DCDC2C: variants seen among roughly 807,000 people sequenced by gnomAD.
DCDC2C encodes doublecortin domain containing 2C.
In DCDC2C, 44 loss-of-function variants were observed where a neutral mutation model predicts 45.0. The ratio of observed to expected loss-of-function variants is 0.98; its 90% CI spans 0.77 to 1.26. DCDC2C has a LOEUF of 1.26. DCDC2C is among the 50% of genes most tolerant of loss of function. The pLI, the probability that DCDC2C is intolerant of heterozygous loss-of-function variation, is 0.00. For synonymous variants in DCDC2C, 187 were observed against 178.8 expected, an observed-to-expected ratio of 1.05 and a Z score of -0.37; for missense variants, 447 against 468.9, an observed-to-expected ratio of 0.95 and a Z score of 0.43.
In DCDC2C at chr2:3,818,959, G is replaced by T. The variant is rs1448568417; in HGVS notation, c.1066-28195G>T. Among the ~76,000 whole-genome samples the T allele has an allele frequency of 6.6e-6, 1 of 152,160 alleles. No individual in the cohort carries two copies. The highest frequency in any genetic ancestry group is 1.5e-5 in the Non-Finnish European group (1 of 68,044). ...TGTTTACGTTGGCACCAGAGTTGTG[G>T]AGTTTTAAGAGGTTTAGAAGCCTGG... On this transcript the variant is annotated intron_variant, in intron 10 of 10. Coordinates refer to ENST00000399143, the MANE Select transcript of DCDC2C (RefSeq NM_001287444.2). This position sits in a 1 kb window ranked among gnomAD's most constrained non-coding sequence, Gnocchi z 4.7.
At chr2:3,843,166 C>G (rs992162692) in intron 10 of DCDC2C, among the ~76,000 whole-genome samples, 1 of 152,140 alleles carries the variant, frequency 6.6e-6, no homozygotes, top group South Asian at 2.1e-4. Flanking sequence ...ATCGTATTCT[C>G]TCTTTCAGGT....
chr2:3,726,797 C>T (rs1031462084), intron 2 of DCDC2C, among the ~76,000 whole-genome samples: 1 of 152,164 alleles, frequency 6.6e-6, no homozygotes, highest in Non-Finnish European at 1.5e-5. Context: ...CAGACCCCCT[C>T]GCGCTGCACT....
chr2:3,805,198 C>T lies in DCDC2C; in HGVS notation c.1065+20098C>T, dbSNP rs149859504. Among the ~76,000 whole-genome samples, 9 of 152,300 alleles carry T rather than the reference C, an allele frequency of 5.9e-5. No homozygotes were observed. The East Asian group carries it at 1.7e-3, about 29-fold the overall frequency. On this transcript the variant is annotated intron_variant, in intron 10 of 10. Coordinates refer to ENST00000399143, the MANE Select transcript of DCDC2C (RefSeq NM_001287444.2). ...AAGTGGAAGTTGCAGACAGTTAATT[C>T]AGAAACTGCATGAAAGGTCCAAGTA...
chr2:3,841,511 T>C (rs150291612), intron 10 of DCDC2C, among the ~76,000 whole-genome samples: 2 of 146,276 alleles, frequency 1.4e-5, no homozygotes, highest in East Asian at 4.0e-4. Flanking sequence ...AGTGCTTATG[T>C]GTGGGACTAG....
At chr2:3,791,291 C>A (rs779474078) in intron 10 of DCDC2C, among the ~76,000 whole-genome samples, 63 of 152,260 alleles carry the variant, frequency 4.1e-4, no homozygotes, top group Admixed American at 1.8e-3. Flanking sequence ...AAGAGGCAGT[C>A]ATGGATGAAC....
intron 8 of DCDC2C, 87 bp downstream of exon 8, chr2:3,769,498 C>A: frequency 8.5e-7 from 1 of 1,174,020 alleles, no homozygotes; most frequent in Non-Finnish European, 1.2e-6. Flanking sequence ...CACCCTCTCC[C>A]TGCAAATTCT....
chr2:3,775,155 A>G (rs12987869), intron 8 of DCDC2C, among the ~76,000 whole-genome samples: 1,779 of 72,688 alleles, frequency 0.024, 44 homozygotes, highest in South Asian at 0.03. Flanking sequence ...TGTGGCTGTG[A>G]GCTAGGCAGC....
At chr2:3,707,005 G>C (rs1206246460) in intron 1 of DCDC2C, among the ~76,000 whole-genome samples, 1 of 152,208 alleles carries the variant, frequency 6.6e-6, no homozygotes, top group Non-Finnish European at 1.5e-5. Flanking sequence ...GGATTCTCAT[G>C]GGTGGTTTCT....
At chr2:3,779,078 A>G (rs1294956050) in intron 9 of DCDC2C, among the ~76,000 whole-genome samples, 194 bp downstream of exon 9, 1 of 152,004 alleles carries the variant, frequency 6.6e-6, no homozygotes, top group Admixed American at 6.6e-5. Flanking sequence ...AGTCAATTAC[A>G]TGAGTCATTT....
At chr2:3,775,023 C>G (rs1670291318) in intron 8 of DCDC2C, among the ~76,000 whole-genome samples, 1 of 152,030 alleles carries the variant, frequency 6.6e-6, no homozygotes, top group Non-Finnish European at 1.5e-5. Flanking sequence ...CCTCAGCCTC[C>G]CAAAGTGCTG....
At chr2:3,826,524 A>G (rs974688889) in intron 10 of DCDC2C, among the ~76,000 whole-genome samples, 1 of 152,096 alleles carries the variant, frequency 6.6e-6, no homozygotes, top group Non-Finnish European at 1.5e-5. Flanking sequence ...CAGATATTTT[A>G]TAAATGAGGA....
intron 10 of DCDC2C, among the ~76,000 whole-genome samples, chr2:3,837,525 C>G (rs1315895917): frequency 6.6e-6 from 1 of 152,014 alleles, no homozygotes; most frequent in Admixed American, 6.6e-5. Context: ...TAGGTTCTTT[C>G]TGGGGGTGGG....
chr2:3,730,644 C>T (rs187667192), intron 3 of DCDC2C, among the ~76,000 whole-genome samples: 31 of 152,222 alleles, frequency 2.0e-4, no homozygotes, highest in African/African-American at 7.0e-4. Context: ...AAGGAGATAA[C>T]GACTGGTCAG....
At chr2:3,766,310 G>A (rs1004694342) in intron 6 of DCDC2C, among the ~76,000 whole-genome samples, 7 of 146,066 alleles carry the variant, frequency 4.8e-5, no homozygotes, top group Non-Finnish European at 6.1e-5. Flanking sequence ...ACACACACAC[G>A]CACACACACA....
At chr2:3,822,548 AT>A (rs34454006) in intron 10 of DCDC2C, among the ~76,000 whole-genome samples, 32,562 of 149,126 alleles carry the variant, frequency 0.22, 3,986 homozygotes, top group African/African-American at 0.34. Context: ...AATTTTGCTG[AT>A]TTTTTTTTTT....
chr2:3,773,560 C>A (rs1413563536), intron 8 of DCDC2C, among the ~76,000 whole-genome samples: 1 of 152,178 alleles, frequency 6.6e-6, no homozygotes, highest in African/African-American at 2.4e-5. Flanking sequence ...AAAAGGCACC[C>A]AGATGTTAAA....
chr2:3,766,308 A>ACGCG (rs149165088), intron 6 of DCDC2C, among the ~76,000 whole-genome samples: 1 of 150,088 alleles, frequency 6.7e-6, no homozygotes, highest in South Asian at 2.1e-4. Flanking sequence ...ATACACACAC[A>ACGCG]CGCACACACA....
chr2:3,750,804 T>C (rs1256544010), intron 4 of DCDC2C, among the ~76,000 whole-genome samples: 1 of 152,202 alleles, frequency 6.6e-6, no homozygotes, highest in African/African-American at 2.4e-5. Flanking sequence ...TCTGTACATA[T>C]TTCCTCCTTC....
chr2:3,775,155 AGCTAGGCAGCTGTGGCTGTGG>A (rs1670299910), intron 8 of DCDC2C, among the ~76,000 whole-genome samples: 4 of 73,934 alleles, frequency 5.4e-5, no homozygotes, highest in African/African-American at 1.1e-4. Flanking sequence ...TGTGGCTGTG[AGCTAGGCAGCTGTGGCTGTGG>A]GCTAGGCAGC....
Sources: allele counts gnomAD v4.1 joint callset (sites outside exome capture counted in the v4.1 genomes callset), GRCh38; gene constraint gnomAD v4.1.1; non-coding constraint Gnocchi (gnomAD v3.1); transcripts MANE v1.5; gene names NCBI Gene and HGNC (gene_info 2026-07-23, HGNC 2026-07-21).